Variants in ERC1 observed in about 807,000 individuals in gnomAD.
The protein encoded by ERC1 is RAB6 interacting protein 2.
Under a neutral mutation model 132.0 loss-of-function variants are expected in ERC1, and 56 were observed. The ratio of observed to expected loss-of-function variants is 0.42; its 90% CI spans 0.34 to 0.53. The LOEUF (loss-of-function observed/expected upper bound fraction) is 0.53, where lower values mean the gene tolerates loss of function less well. Among genes scored for constraint, ERC1 ranks in the 20% least tolerant of loss-of-function variants. The probability of loss-of-function intolerance (pLI) is 0.03; values close to 1 mark genes in which losing one functional copy is unlikely to be tolerated. For missense variants in ERC1, 1,202 were observed against 1,349.9 expected (o/e 0.89, Z 1.72); for synonymous variants, 478 against 476.1 (o/e 1.00, Z -0.05).
intron 12 of ERC1, among the ~76,000 whole-genome samples, chr12:1,204,700 G>A (rs1161189855): frequency 6.6e-6 from 1 of 152,196 alleles, no homozygotes; most frequent in Non-Finnish European, 1.5e-5. Flanking sequence ...CTTTGAAAAG[G>A]TAGTGTGAGT....
chr12:1,368,397 AAAG>A (rs2086863765), intron 15 of ERC1, among the ~76,000 whole-genome samples: 1 of 152,036 alleles, frequency 6.6e-6, no homozygotes, highest in African/African-American at 2.4e-5. Flanking sequence ...ACTTTTTTTC[AAAG>A]AAGCAATTAT....
intron 15 of ERC1, among the ~76,000 whole-genome samples, chr12:1,332,977 G>A (rs1041893197): frequency 1.3e-5 from 2 of 151,644 alleles, no homozygotes; most frequent in Non-Finnish European, 2.9e-5. Flanking sequence ...TTATTTCCTC[G>A]CCCGGGTATT....
At chr12:1,393,266 G>T (rs911371367) in intron 16 of ERC1, among the ~76,000 whole-genome samples, 2 of 152,200 alleles carry the variant, frequency 1.3e-5, no homozygotes, top group Admixed American at 1.3e-4. Context: ...GGTGGCTTAC[G>T]CCTGTAATCC....
Position 1,487,773 on chromosome 12 carries a change from GAGGGAGGA to G in ERC1, c.3214-2316_3214-2309del, listed in dbSNP as rs2094252038. Among the ~76,000 whole-genome samples, 26 of 38,056 alleles carry G rather than the reference GAGGGAGGA, an allele frequency of 6.8e-4. 1 individual carries two copies. In the South Asian group the frequency reaches 0.022, roughly 32 times the overall value. The allele number at this position is 38,056 out of a possible 152,430, so 25.0% of individuals were successfully genotyped here. The stretch of plus-strand genomic sequence containing the variant: ...GGTAGGAGGCAAGGAGGGAGGGAGG[GAGGGAGGA>G]AGGAAGAAAAGAAGGAAAGAAAAGA... On this transcript the variant is annotated intron_variant, in intron 18 of 18. Coordinates refer to ENST00000360905, the MANE Select transcript of ERC1 (RefSeq NM_178040.4).
rs555261211 is a variant in ERC1 at position 1,333,865 on chromosome 12, C to T, written c.2781-37968C>T. 1.2e-4 allele frequency among the ~76,000 whole-genome samples: 18 copies of T among 152,282 alleles called. 1 individual carries two copies. The highest frequency in any genetic ancestry group is 4.1e-4 in the African/African-American group (17 of 41,556). On this transcript the variant is annotated intron_variant, in intron 15 of 18. Transcript: ENST00000360905. ...CAATGGTTGAACTAATTTACACTCC[C>T]GCCAACAATGTATAAGTGTTCAGGT...
At chr12:1,353,513 CAGAG>C (rs749309154) in intron 15 of ERC1, among the ~76,000 whole-genome samples, 2 of 152,100 alleles carry the variant, frequency 1.3e-5, no homozygotes, top group Non-Finnish European at 2.9e-5. Context: ...AACTTAAAAA[CAGAG>C]AGCTTTTGGG....
intron 13 of ERC1, among the ~76,000 whole-genome samples, chr12:1,255,476 C>T (rs112028370): frequency 0.051 from 7,735 of 151,930 alleles, 447 homozygotes; most frequent in African/African-American, 0.15. Context: ...ATGGGATTGC[C>T]GGGTCAAATG....
intron 18 of ERC1, among the ~76,000 whole-genome samples, chr12:1,468,567 A>T (rs539231321): frequency 2.6e-5 from 4 of 152,178 alleles, no homozygotes; most frequent in South Asian, 4.2e-4. Context: ...ATGCCACTGC[A>T]CTCCAGCCTG....
chr12:1,167,471 C>A (rs1361450584), intron 8 of ERC1, among the ~76,000 whole-genome samples: 1 of 152,132 alleles, frequency 6.6e-6, no homozygotes, highest in African/African-American at 2.4e-5. Context: ...GATGAAGCAG[C>A]CTTTTATGCT....
At chr12:1,123,359 G>T (rs1421672791) in intron 7 of ERC1, among the ~76,000 whole-genome samples, 8 of 152,030 alleles carry the variant, frequency 5.3e-5, no homozygotes, top group Admixed American at 5.2e-4. Context: ...GAAAAAGAAG[G>T]CTGAGATAAG....
chr12:1,208,843 C>T (rs1173111240), intron 12 of ERC1, among the ~76,000 whole-genome samples: 1 of 150,444 alleles, frequency 6.6e-6, no homozygotes, highest in African/African-American at 2.4e-5. Flanking sequence ...AGTGCAGTGG[C>T]GCAATCTCAG....
chr12:1,024,191 G>T (rs928098026), intron 1 of ERC1, among the ~76,000 whole-genome samples: 1 of 152,132 alleles, frequency 6.6e-6, no homozygotes, highest in Admixed American at 6.5e-5. Flanking sequence ...GACCAGACTG[G>T]GCAACATGGT....
At chr12:1,012,025 G>A (rs1254603431) in intron 1 of ERC1, among the ~76,000 whole-genome samples, 1 of 151,630 alleles carries the variant, frequency 6.6e-6, no homozygotes, top group East Asian at 1.9e-4. Flanking sequence ...AATGGTTTTT[G>A]TAGGCTTCAT....
chr12:1,310,856 C>T (rs2081255452), intron 15 of ERC1, among the ~76,000 whole-genome samples: 1 of 152,260 alleles, frequency 6.6e-6, no homozygotes, highest in Non-Finnish European at 1.5e-5. Flanking sequence ...ATCACTCCTG[C>T]CACCAGCACA....
At chr12:1,160,614 G>A (rs1951798475) in intron 8 of ERC1, among the ~76,000 whole-genome samples, 2 of 152,144 alleles carry the variant, frequency 1.3e-5, no homozygotes, top group Admixed American at 6.5e-5. Context: ...GGGAGGCTGA[G>A]GCTGTAGAAT....
At chr12:1,463,450 A>G (rs902223152) in intron 18 of ERC1, among the ~76,000 whole-genome samples, 12 of 152,166 alleles carry the variant, frequency 7.9e-5, no homozygotes, top group Non-Finnish European at 7.3e-5. Flanking sequence ...TGGGGCAGCA[A>G]ACTTTCTTCT....
chr12:1,370,790 C>T (rs897647079), intron 15 of ERC1, among the ~76,000 whole-genome samples: 4 of 152,138 alleles, frequency 2.6e-5, no homozygotes, highest in Non-Finnish European at 5.9e-5. Flanking sequence ...GGCACCATCT[C>T]AGCTCACTGC....
chr12:1,338,781 G>T (rs1316119104), intron 15 of ERC1, among the ~76,000 whole-genome samples: 1 of 152,030 alleles, frequency 6.6e-6, no homozygotes, highest in Non-Finnish European at 1.5e-5. Flanking sequence ...GGTGGATTCA[G>T]CCAACTGACT....
At chr12:1,265,096 C>G (rs1321849935) in intron 14 of ERC1, among the ~76,000 whole-genome samples, 3 of 152,220 alleles carry the variant, frequency 2.0e-5, no homozygotes, top group Non-Finnish European at 4.4e-5. Flanking sequence ...TCCTAATGCA[C>G]AGTCACATAG....
Sources: gnomAD v4.1 joint callset for allele counts (sites outside exome capture counted in the v4.1 genomes callset) on GRCh38, gnomAD v4.1.1 for gene constraint, MANE v1.5 for transcripts, NCBI Gene and HGNC (gene_info 2026-07-23, HGNC 2026-07-21) for gene names.